Variants in PSMA1 observed in about 807,000 individuals in gnomAD.
PSMA1 encodes proteasome subunit alpha type-1.
PSMA1 carries 3 observed loss-of-function variants against 38.4 expected under a neutral mutation model. The observed-to-expected ratio is 0.08, with a 90% confidence interval of 0.04 to 0.20. The LOEUF is 0.20. PSMA1 is among the 10% of genes least tolerant of loss of function. The probability of loss-of-function intolerance (pLI) is 1.00; values close to 1 mark genes in which losing one functional copy is unlikely to be tolerated. For missense variants in PSMA1, 227 were observed against 325.3 expected, an observed-to-expected ratio of 0.70 and a Z score of 2.32; for synonymous variants, 101 against 107.1, an observed-to-expected ratio of 0.94 and a Z score of 0.35.
chr11:14,591,359 T>C lies in PSMA1; in HGVS notation c.21+19607A>G, dbSNP rs550857435. ...CTGAGCCTCCCACCCACTCTGTGGG[T>C]TCCTGGGCAGCTGGAGCCTCCCCGA... On this transcript the variant is annotated intron_variant, in intron 2 of 10. Coordinates refer to the PSMA1 transcript ENST00000418988. Among the ~76,000 whole-genome samples, 5 of 152,212 alleles carry C rather than the reference T, an allele frequency of 3.3e-5. 1 individual carries two copies. The South Asian group carries it at 1.0e-3, about 32-fold the overall frequency.
chr11:14,526,483 G>T (rs529450103), intron 2 of PSMA1, among the ~76,000 whole-genome samples: 13 of 152,298 alleles, frequency 8.5e-5, no homozygotes, highest in African/African-American at 2.9e-4. Context: ...TCCGTGCAGT[G>T]GCTGCCGCTG....
At chr11:14,614,743 C>T (rs1203201020) in intron 1 of PSMA1, among the ~76,000 whole-genome samples, 1 of 152,184 alleles carries the variant, frequency 6.6e-6, no homozygotes, top group Non-Finnish European at 1.5e-5. Flanking sequence ...AGAATCTTTG[C>T]TTCCTTATCA....
intron 2 of PSMA1, among the ~76,000 whole-genome samples, chr11:14,543,280 T>C (rs1022967689): frequency 3.3e-5 from 5 of 152,332 alleles, no homozygotes; most frequent in South Asian, 2.1e-4. Flanking sequence ...AGAAGATCCT[T>C]TGAGCCCAGG....
At position 14,593,653 on chromosome 11, in the gene PSMA1, AGAGAGAGAGC is replaced by A. The variant is rs1163011740; in HGVS notation, c.21+17303_21+17312del. 1.5e-3 allele frequency among the ~76,000 whole-genome samples: 209 copies of A among 143,616 alleles called. 2 individuals are homozygous for A. Among genetic ancestry groups the A allele is most frequent in the African/African-American group, 5.3e-3 (195 of 36,540 alleles). The allele number at this position is 143,616 out of a possible 152,430, so 94.2% of individuals were successfully genotyped here. A position where few individuals can be genotyped will look rare whatever the true frequency, so the allele number is the denominator to read the frequency against. ...GAGAGAGAGAGAGAGAGAGAGAGAG[AGAGAGAGAGC>A]GCCAGCCCTAATGTGTGGTCCTAAT... On this transcript the variant is annotated intron_variant, in intron 2 of 10. Coordinates refer to the PSMA1 transcript ENST00000418988.
intron 2 of PSMA1, among the ~76,000 whole-genome samples, chr11:14,583,742 A>G (rs1269702596): frequency 6.6e-6 from 1 of 152,252 alleles, no homozygotes; most frequent in East Asian, 1.9e-4. Flanking sequence ...GAGACACAAC[A>G]TTAGGAGAAA....
intron 2 of PSMA1, among the ~76,000 whole-genome samples, chr11:14,590,069 C>G (rs943287062): frequency 2.0e-5 from 3 of 152,178 alleles, no homozygotes; most frequent in Non-Finnish European, 4.4e-5. Context: ...TTGAGGACAT[C>G]ATACAAATGA....
At chr11:14,527,963 C>G (rs1851604425) in intron 2 of PSMA1, among the ~76,000 whole-genome samples, 2 of 152,116 alleles carry the variant, frequency 1.3e-5, no homozygotes, top group African/African-American at 4.8e-5. Flanking sequence ...ATGCCACCCT[C>G]TACCTCTCCC....
At chr11:14,549,660 C>T (rs1264821668) in intron 2 of PSMA1, among the ~76,000 whole-genome samples, 1 of 149,742 alleles carries the variant, frequency 6.7e-6, no homozygotes, top group African/African-American at 2.5e-5. Flanking sequence ...GAGATCGTGC[C>T]ACTGCACTCC....
chr11:14,511,089 G>A (rs1317663398), intron 7 of PSMA1, 138 bp from the exon 8 acceptor site: 6 of 471,986 alleles, frequency 1.3e-5, no homozygotes, highest in Non-Finnish European at 2.3e-5. Context: ...CAAGTTTAAT[G>A]CTAGTCATAT....
At chr11:14,601,531 G>C (rs76083960) in intron 2 of PSMA1, among the ~76,000 whole-genome samples, 2 of 152,112 alleles carry the variant, frequency 1.3e-5, no homozygotes, top group African/African-American at 4.8e-5. Context: ...AACTCTCTCC[G>C]ACTCAGTCTC....
chr11:14,575,753 A>G (rs999042798), intron 2 of PSMA1, among the ~76,000 whole-genome samples: 2 of 152,202 alleles, frequency 1.3e-5, no homozygotes, highest in African/African-American at 4.8e-5. Flanking sequence ...AGCATGATTT[A>G]TAATCCTTTG....
intron 7 of PSMA1, among the ~76,000 whole-genome samples, chr11:14,512,964 C>T (rs1239635323): frequency 6.6e-6 from 1 of 152,204 alleles, no homozygotes; most frequent in Non-Finnish European, 1.5e-5. Flanking sequence ...GTCAATTAAA[C>T]TATTTTTCTC....
intron 1 of PSMA1, among the ~76,000 whole-genome samples, chr11:14,620,725 T>A (rs1318552957): frequency 6.6e-6 from 1 of 152,212 alleles, no homozygotes; most frequent in African/African-American, 2.4e-5. Flanking sequence ...TCAACTTTTT[T>A]TGTAGATGAA....
At chr11:14,588,084 G>A in intron 2 of PSMA1, among the ~76,000 whole-genome samples, 1 of 152,200 alleles carries the variant, frequency 6.6e-6, no homozygotes, top group East Asian at 1.9e-4. Context: ...CAACAACTAA[G>A]TCTGCAGAAA....
At chr11:14,533,770 C>T (rs1219461742) in intron 2 of PSMA1, among the ~76,000 whole-genome samples, 1 of 151,998 alleles carries the variant, frequency 6.6e-6, no homozygotes, top group Non-Finnish European at 1.5e-5. Context: ...TCTCATTTCA[C>T]AAGACAGAGC....
intron 2 of PSMA1, among the ~76,000 whole-genome samples, chr11:14,566,253 G>A (rs765726860): frequency 7.9e-5 from 12 of 152,160 alleles, no homozygotes; most frequent in Non-Finnish European, 1.5e-4. Flanking sequence ...ATAGACTATG[G>A]GTAGAAGCAG....
intron 2 of PSMA1, among the ~76,000 whole-genome samples, chr11:14,532,913 A>T (rs1036339703): frequency 1.3e-5 from 2 of 152,252 alleles, no homozygotes; most frequent in East Asian, 3.9e-4. Flanking sequence ...TTTAAAAAAA[A>T]TCTAAAAATA....
intron 2 of PSMA1, among the ~76,000 whole-genome samples, chr11:14,603,774 T>C (rs1449622033): frequency 6.6e-6 from 1 of 152,216 alleles, no homozygotes; most frequent in Non-Finnish European, 1.5e-5. Context: ...TAAGTATTTA[T>C]ACAAAATGCA....
At chr11:14,581,220 C>A (rs954329749) in intron 2 of PSMA1, among the ~76,000 whole-genome samples, 2 of 152,130 alleles carry the variant, frequency 1.3e-5, no homozygotes, top group African/African-American at 4.8e-5. Context: ...CATTGCCCAC[C>A]CTTGCATTTG....
Sources: gnomAD v4.1 joint callset for allele counts (sites outside exome capture counted in the v4.1 genomes callset) on GRCh38, gnomAD v4.1.1 for gene constraint, MANE v1.5 for transcripts, NCBI Gene and HGNC (gene_info 2026-07-23, HGNC 2026-07-21) for gene names.